Variants in RYR3 observed in about 807,000 individuals in gnomAD.
RYR3 encodes the protein brain ryanodine receptor-calcium release channel.
RYR3 carries 207 observed loss-of-function variants against 584.3 expected under a neutral mutation model. The observed-to-expected ratio is 0.35, with a 90% CI of 0.32 to 0.40. The LOEUF (loss-of-function observed/expected upper bound fraction) is 0.40. Ranked by LOEUF, RYR3 falls within the 10% of genes least tolerant of loss-of-function variation. The pLI is 1.00. For synonymous variants in RYR3, 2,416 were observed against 2,248.5 expected, an observed-to-expected ratio of 1.07 and a Z score of -2.11; for missense variants, 5,616 against 6,089.2, an observed-to-expected ratio of 0.92 and a Z score of 2.59.
chr15:33,532,221 A>T (rs567544928), intron 4 of RYR3, among the ~76,000 whole-genome samples: 1 of 152,236 alleles, frequency 6.6e-6, no homozygotes, highest in East Asian at 1.9e-4. Flanking sequence ...AGCTATGCCC[A>T]TCAGTGAAGG....
chr15:33,398,410 A>T (rs945675786), intron 1 of RYR3, among the ~76,000 whole-genome samples: 2 of 152,184 alleles, frequency 1.3e-5, no homozygotes, highest in Non-Finnish European at 2.9e-5. Context: ...CTGAGTGGGG[A>T]AAGTGAATGG....
In RYR3 at chr15:33,764,498, G is replaced by T. The variant is rs113099528; in HGVS notation, c.8706-4160G>T. 1.9e-3 allele frequency among the ~76,000 whole-genome samples: 283 copies of T among 151,714 alleles called. 4 individuals are homozygous for T. Among genetic ancestry groups the T allele is most frequent in the African/African-American group, 6.3e-3 (262 of 41,306 alleles). On this transcript the variant is annotated intron_variant, in intron 60 of 103. Transcript: ENST00000634891. ...TGTAGATGACAGGTTGATGGGTGCA[G>T]CAAACTACCATGGCGCGTGTATACC...
chr15:33,693,556 A>T (rs146715362), intron 38 of RYR3, among the ~76,000 whole-genome samples: 1 of 152,360 alleles, frequency 6.6e-6, no homozygotes, highest in East Asian at 1.9e-4. Context: ...AGAGGTCTGG[A>T]AGTTGGGAGC....
chr15:33,835,719 C>A (rs529271839), intron 87 of RYR3, among the ~76,000 whole-genome samples: 1 of 152,202 alleles, frequency 6.6e-6, no homozygotes, highest in African/African-American at 2.4e-5. Flanking sequence ...TCACATCTGC[C>A]TCCTCTCTTC....
intron 64 of RYR3, among the ~76,000 whole-genome samples, chr15:33,778,170 A>AAAATAAAT (rs112695825): frequency 0.041 from 6,081 of 148,364 alleles, 228 homozygotes; most frequent in African/African-American, 0.094. Flanking sequence ...ACTCTGTCTC[A>AAAATAAAT]AAATAAATAA....
intron 1 of RYR3, among the ~76,000 whole-genome samples, chr15:33,326,466 G>A (rs1280057089): frequency 1.3e-5 from 2 of 152,196 alleles, no homozygotes; most frequent in African/African-American, 2.4e-5. Context: ...GAACAAAAAT[G>A]TGTTAAATAA....
intron 91 of RYR3, among the ~76,000 whole-genome samples, chr15:33,843,207 C>G (rs1292278266): frequency 6.6e-6 from 1 of 152,032 alleles, no homozygotes; most frequent in Non-Finnish European, 1.5e-5. Context: ...GTAGTCCCAG[C>G]TACTCGGGAG....
At chr15:33,591,822 G>A (rs948486376) in intron 16 of RYR3, among the ~76,000 whole-genome samples, 4 of 152,174 alleles carry the variant, frequency 2.6e-5, no homozygotes, top group Non-Finnish European at 4.4e-5. Context: ...TTAGCCTGGA[G>A]GGGCTGAATA....
intron 42 of RYR3, among the ~76,000 whole-genome samples, chr15:33,701,317 T>C (rs2066286570): frequency 6.6e-6 from 1 of 152,202 alleles, no homozygotes; most frequent in African/African-American, 2.4e-5. Context: ...GTTCTTCGTG[T>C]GTGGAAGCCC....
intron 23 of RYR3, 81 bp from the exon 24 acceptor site, chr15:33,632,868 C>A: frequency 8.0e-7 from 1 of 1,246,278 alleles, no homozygotes; most frequent in South Asian, 1.4e-5. Context: ...AGCGTTCTTA[C>A]CATGTGCTCT....
chr15:33,802,656 G>T (rs543965103), intron 69 of RYR3, among the ~76,000 whole-genome samples: 149 of 152,254 alleles, frequency 9.8e-4, no homozygotes, highest in African/African-American at 3.4e-3. Context: ...TGATTTAAGA[G>T]ACTTCTCAGA....
intron 12 of RYR3, among the ~76,000 whole-genome samples, chr15:33,576,654 A>G (rs1242608547): frequency 1.3e-5 from 2 of 152,240 alleles, no homozygotes; most frequent in African/African-American, 4.8e-5. Flanking sequence ...CCCACAGTCA[A>G]TATCATACTG....
In RYR3 at chr15:33,785,866, G is replaced by A. The variant is rs757016593; in HGVS notation, c.9473G>A (p.Gly3158Glu). 6.2e-7 allele frequency: 1 copy of A among 1,613,842 alleles called. No homozygotes were observed. The highest frequency in any genetic ancestry group is 8.5e-7 in the Non-Finnish European group (1 of 1,179,862). Reference sequence around the variant, plus strand: ...CCTGAGAACCTGCCCCCCAGCACAGGGCCATGCTGCACCAAGGTCACCTCT... The same window carrying A: ...CCTGAGAACCTGCCCCCCAGCACAGAGCCATGCTGCACCAAGGTCACCTCT... ...RGPENLPPSTGPCCTKVTSEH... is the reference protein window; with the variant it reads ...RGPENLPPSTEPCCTKVTSEH... The change falls in exon 66 of 104, where the codon GGG becomes GAG. Residue 3158 changes from glycine to glutamate, a missense_variant. By Grantham distance (98) the Gly-to-Glu change is moderately conservative. Transcript: ENST00000634891.
At chr15:33,511,690 C>A (rs531177889) in intron 3 of RYR3, among the ~76,000 whole-genome samples, 1 of 152,240 alleles carries the variant, frequency 6.6e-6, no homozygotes, top group Admixed American at 6.5e-5. Context: ...CGTCGCCAGG[C>A]AGTTTGTTTT....
At chr15:33,315,748 A>G (rs1021251343) in intron 1 of RYR3, among the ~76,000 whole-genome samples, 1 of 152,218 alleles carries the variant, frequency 6.6e-6, no homozygotes, top group Admixed American at 6.5e-5. Context: ...AACTTGAATC[A>G]GAAAGGCCGC....
At chr15:33,387,975 A>G (rs2041740765) in intron 1 of RYR3, among the ~76,000 whole-genome samples, 2 of 152,188 alleles carry the variant, frequency 1.3e-5, no homozygotes, top group Non-Finnish European at 2.9e-5. Flanking sequence ...TTTTAATTTC[A>G]CAACACTAAA....
chr15:33,456,697 C>T (rs964260711), intron 1 of RYR3, among the ~76,000 whole-genome samples: 1 of 152,140 alleles, frequency 6.6e-6, no homozygotes, highest in Non-Finnish European at 1.5e-5. Flanking sequence ...GCCATGAGCA[C>T]CTTCTCAGGG....
chr15:33,497,699 A>T (rs1232024512), intron 2 of RYR3, among the ~76,000 whole-genome samples: 1 of 152,182 alleles, frequency 6.6e-6, no homozygotes, highest in Non-Finnish European at 1.5e-5. Context: ...ATAGCCTCAA[A>T]CCTTTATCAT....
At chr15:33,695,615 A>C (rs1446796657) in intron 38 of RYR3, among the ~76,000 whole-genome samples, 2 of 152,124 alleles carry the variant, frequency 1.3e-5, no homozygotes, top group Non-Finnish European at 2.9e-5. Flanking sequence ...AAGCCTTTAG[A>C]TCTGTTCTCT....
Sources: gnomAD v4.1 joint callset for allele counts (sites outside exome capture counted in the v4.1 genomes callset) on GRCh38, gnomAD v4.1.1 for gene constraint, MANE v1.5 for transcripts, NCBI Gene and HGNC (gene_info 2026-07-23, HGNC 2026-07-21) for gene names.